PDIA4: variants seen among roughly 807,000 people sequenced by gnomAD.
The protein encoded by PDIA4 is protein disulfide isomerase family A member 4, also known as protein disulfide-isomerase A4.
A neutral mutation model predicts 62.1 loss-of-function variants in PDIA4; 33 were observed. The observed-to-expected ratio is 0.53, with a 90% CI of 0.40 to 0.71. PDIA4 has a LOEUF of 0.71. Among genes scored for constraint, PDIA4 ranks in the 30% least tolerant of loss-of-function variants. PDIA4 has a pLI of 0.00. For missense variants in PDIA4, 804 were observed against 813.6 expected, an observed-to-expected ratio of 0.99 and a Z score of 0.14; for synonymous variants, 341 against 324.1, an observed-to-expected ratio of 1.05 and a Z score of -0.56.
chr7:149,005,214 C>A lies in PDIA4; in HGVS notation c.1449G>T (p.Gly483=). 6.2e-7 allele frequency: 1 copy of A among 1,614,166 alleles called. No individual in the cohort carries two copies. The highest frequency in any genetic ancestry group is 1.1e-5 in the South Asian group (1 of 91,086). Residue 483 remains glycine, a synonymous_variant, in exon 9 of 10, where the codon GGG becomes GGT. Transcript: ENST00000652332. ...DVNAAILDES[G]KKFAMEPEEF... The stretch of plus-strand genomic sequence containing the variant: ...CCTCTGGCTCCATGGCGAACTTCTT[C>A]CCACTCTCGTCCAGGATGGCGGCAT...
At chr7:149,010,163 A>AC (rs1823897592) in intron 6 of PDIA4, among the ~76,000 whole-genome samples, 1 of 152,164 alleles carries the variant, frequency 6.6e-6, no homozygotes, top group African/African-American at 2.4e-5. Context: ...CTTCCGAGCC[A>AC]CAGGCCCTTC....
Position 149,028,327 on chromosome 7 carries a change from C to T in PDIA4, c.82G>A (p.Asp28Asn). 1 of 1,522,258 alleles carries T rather than the reference C, an allele frequency of 6.6e-7. No individual in the cohort carries two copies. The highest frequency in any genetic ancestry group is 8.8e-7 in the Non-Finnish European group (1 of 1,138,244). The allele number at this position is 1,522,258 out of a possible 1,614,324, so 94.3% of individuals were successfully genotyped here. Residue 28 changes from aspartate to asparagine, a missense_variant, in exon 1 of 10, where the codon GAC becomes AAC. By Grantham distance (23) the Asp-to-Asn change is conservative. Coordinates refer to ENST00000652332, the MANE Select transcript of PDIA4 (RefSeq NM_004911.5). ...LLAVAGAEGP[D>N]EDSSNRENAI... is the part of the protein sequence containing the mutation. ...CGGCGCGCTTGCCGCTCACCCTCGTCCGGGCCCTCGGCACCCGCCACGGCC... is the reference window on the plus strand; with the variant it reads ...CGGCGCGCTTGCCGCTCACCCTCGTTCGGGCCCTCGGCACCCGCCACGGCC...
intron 4 of PDIA4, among the ~76,000 whole-genome samples, chr7:149,013,549 C>T (rs1397861379): frequency 6.6e-6 from 1 of 152,008 alleles, no homozygotes; most frequent in Non-Finnish European, 1.5e-5. Flanking sequence ...TGGTGGCACA[C>T]ACCTGTGGTC....
intron 1 of PDIA4, chr7:149,028,031 G>A: frequency 1.6e-6 from 1 of 619,244 alleles, no homozygotes; most frequent in Non-Finnish European, 3.1e-6. Context: ...CAAAAAAGGC[G>A]CTCTGCAGCC....
chr7:149,009,227 A>G (rs1171890304), intron 6 of PDIA4, among the ~76,000 whole-genome samples: 1 of 152,178 alleles, frequency 6.6e-6, no homozygotes, highest in Non-Finnish European at 1.5e-5. Context: ...CACTGTGCTC[A>G]GCCAACCCCA....
intron 3 of PDIA4, among the ~76,000 whole-genome samples, chr7:149,016,787 A>G (rs974869901): frequency 6.6e-6 from 1 of 152,218 alleles, no homozygotes; most frequent in Non-Finnish European, 1.5e-5. Context: ...CTGGGATTAC[A>G]GGCGTGAACC....
chr7:149,022,439 G>C (rs1019258661), intron 1 of PDIA4, among the ~76,000 whole-genome samples: 5 of 152,182 alleles, frequency 3.3e-5, no homozygotes, highest in African/African-American at 1.2e-4. Flanking sequence ...AAAGAACATG[G>C]AATTGCCATT....
rs188811805 is a variant in PDIA4 at position 149,005,443 on chromosome 7, A to G, written c.1289-69T>C. 9.8e-5 allele frequency: 93 copies of G among 953,156 alleles called. No homozygotes were observed. The East Asian group carries it at 1.7e-3, about 18-fold the overall frequency. 59.0% of individuals were successfully genotyped at this position (953,156 alleles called of 1,614,324 possible). A position where few individuals can be genotyped will look rare whatever the true frequency, so the allele number is the denominator to read the frequency against. On this transcript the variant is annotated intron_variant, in intron 8 of 9. Coordinates refer to ENST00000652332, the MANE Select transcript of PDIA4 (RefSeq NM_004911.5). ...AAGTCCCAGCTCAGACTCTGAGGTC[A>G]GGCTTCAGGTCCTGTCGCTAATATT...
At position 149,004,082 on chromosome 7, in the gene PDIA4, G is replaced by C. The variant is rs780947329; in HGVS notation, c.1650C>G (p.Phe550Leu). 1.3e-5 allele frequency: 21 copies of C among 1,614,102 alleles called. No individual in the cohort carries two copies. The African/African-American group carries it at 2.7e-4, about 21-fold the overall frequency. Residue 550 changes from phenylalanine (F) to leucine (L), a missense_variant, in exon 10 of 10, where the codon TTC becomes TTG. Phe to Leu is a conservative substitution (Grantham distance 22). Transcript: ENST00000652332. ...TGCAGTGCCCGCACCATGGCGCGTA[G>C]AACTCGATGAGGACGTCCTTCTTGG... ...MDPKKDVLIE[F>L]YAPWCGHCKQ...
Position 149,020,048 on chromosome 7 carries a change from C to G in PDIA4, c.270-851G>C, listed in dbSNP as rs373558349. ...CAATTTCAGCTAGTTGCAGCCTCCC[C>G]CTCCTAGGTTGAAGCAATTCTCCTG... On this transcript the variant is annotated intron_variant, in intron 2 of 9. Coordinates refer to ENST00000652332, the MANE Select transcript of PDIA4 (RefSeq NM_004911.5). Among the ~76,000 whole-genome samples, 5 of 152,284 alleles carry G rather than the reference C, an allele frequency of 3.3e-5. No individual in the cohort carries two copies. The South Asian group carries it at 6.2e-4, about 19-fold the overall frequency.
chr7:149,014,138 G>C (rs1563121557), intron 4 of PDIA4, among the ~76,000 whole-genome samples: 1 of 152,174 alleles, frequency 6.6e-6, no homozygotes, highest in Non-Finnish European at 1.5e-5. Flanking sequence ...GTGGCCTCAG[G>C]TTTGGGCTTA....
intron 7 of PDIA4, 119 bp from the exon 8 acceptor site, chr7:149,006,172 A>G (rs926008615): frequency 2.0e-6 from 2 of 1,022,214 alleles, no homozygotes; most frequent in Admixed American, 3.8e-5. Flanking sequence ...CTTAGGAGGC[A>G]AAACACCCCA....
In PDIA4 at chr7:149,004,055, C is replaced by T; in HGVS notation, c.1677G>A (p.Lys559=). ...GGCTGTTGTACACGGGCTCTAGCTG[C>T]TTGCAGTGCCCGCACCATGGCGCGT... ...EFYAPWCGHC[K]QLEPVYNSLA... The change falls in exon 10 of 10, where the codon AAG becomes AAA. Residue 559 remains lysine, a synonymous_variant. Transcript: ENST00000652332. The T allele has an allele frequency of 6.2e-7, 1 of 1,614,230 alleles. No homozygotes were observed. Among genetic ancestry groups the T allele is most frequent in the Non-Finnish European group, 8.5e-7 (1 of 1,180,046 alleles).
At chr7:149,024,997 G>A (rs1824496600) in intron 1 of PDIA4, among the ~76,000 whole-genome samples, 1 of 143,674 alleles carries the variant, frequency 7.0e-6, no homozygotes, top group Admixed American at 7.3e-5. Flanking sequence ...GGTGACACAT[G>A]CCTGTAATCC....
rs756863470 is a variant in PDIA4, at chr7:149,008,217, A to C, written c.1073T>G (p.Met358Arg). The C allele has an allele frequency of 6.2e-7, 1 of 1,614,198 alleles. No homozygotes were observed. The highest frequency in any genetic ancestry group is 1.1e-5 in the South Asian group (1 of 91,088). Residue 358 changes from methionine to arginine, a missense_variant, in exon 7 of 10, where the codon ATG becomes AGG. Physicochemically the swap from Met to Arg is moderately conservative, Grantham distance 91. Transcript: ENST00000652332. ...LKVSQGQLVV[M>R]QPEKFQSKYE... is the part of the protein sequence containing the mutation. ...CTTGGACTGGAATTTCTCAGGCTGCATTACAACCAACTGCCCCTGGGAGAC... is the reference window on the plus strand; with the variant it reads ...CTTGGACTGGAATTTCTCAGGCTGCCTTACAACCAACTGCCCCTGGGAGAC...
intron 2 of PDIA4, among the ~76,000 whole-genome samples, chr7:149,020,729 C>T (rs183896012): frequency 4.5e-4 from 68 of 152,322 alleles, no homozygotes; most frequent in African/African-American, 1.6e-3. Flanking sequence ...AGGACGTATT[C>T]ATCTTTAACC....
chr7:149,004,989 G>A (rs1167161830), intron 9 of PDIA4, 152 bp downstream of exon 9: 4 of 675,390 alleles, frequency 5.9e-6, no homozygotes, highest in Admixed American at 2.4e-5. Flanking sequence ...TGGACGAGAA[G>A]TCAGAGTCCC....
intron 6 of PDIA4, among the ~76,000 whole-genome samples, chr7:149,010,618 GC>G (rs1823911982): frequency 1.3e-5 from 2 of 152,122 alleles, no homozygotes; most frequent in African/African-American, 4.8e-5. Flanking sequence ...TTCACCTCCT[GC>G]CCACCCCAGG....
chr7:149,026,477 C>T (rs1487701985), intron 1 of PDIA4, among the ~76,000 whole-genome samples: 3 of 152,124 alleles, frequency 2.0e-5, no homozygotes, highest in Admixed American at 6.5e-5. Context: ...GGTGAAACCC[C>T]GTCTCTACTG....
Sources: allele counts gnomAD v4.1 joint callset (sites outside exome capture counted in the v4.1 genomes callset), GRCh38; gene constraint gnomAD v4.1.1; transcripts MANE v1.5; gene names NCBI Gene and HGNC (gene_info 2026-07-23, HGNC 2026-07-21).